The following CDH11 variants were observed in gnomAD, a reference collection of about 807,000 sequenced individuals.
CDH11 encodes cadherin-11.
Under a neutral mutation model 67.8 loss-of-function variants are expected in CDH11, and 11 were observed. The observed-to-expected ratio is 0.16, with a 90% CI of 0.10 to 0.27. The LOEUF is 0.27. CDH11 is among the 10% of genes least tolerant of loss of function. CDH11 has a pLI of 1.00. For synonymous variants in CDH11, 419 were observed against 400.0 expected, an observed-to-expected ratio of 1.05 and a Z score of -0.57; for missense variants, 847 against 1,031.2, an observed-to-expected ratio of 0.82 and a Z score of 2.45.
At chr16:65,073,573 C>A (rs970633145) in intron 1 of CDH11, among the ~76,000 whole-genome samples, 1 of 152,176 alleles carries the variant, frequency 6.6e-6, no homozygotes, top group Non-Finnish European at 1.5e-5. Context: ...CGTGAGCCAC[C>A]ACACTTGGCC....
intron 1 of CDH11, among the ~76,000 whole-genome samples, chr16:65,088,439 T>C (rs983764451): frequency 6.6e-6 from 1 of 152,200 alleles, no homozygotes; most frequent in Non-Finnish European, 1.5e-5. Context: ...TGCTTATTGT[T>C]TTTAAAATAT....
chr16:65,091,487 T>C (rs1597182550), intron 1 of CDH11, among the ~76,000 whole-genome samples: 1 of 152,146 alleles, frequency 6.6e-6, no homozygotes, highest in Admixed American at 6.5e-5. Flanking sequence ...GTCTTCTGAT[T>C]ACTGTTGTTA....
chr16:65,112,118 A>G (rs2075171211), intron 1 of CDH11, among the ~76,000 whole-genome samples: 1 of 151,940 alleles, frequency 6.6e-6, no homozygotes, highest in Non-Finnish European at 1.5e-5. Flanking sequence ...GAAGAATTAC[A>G]TCTATCCTGC....
chr16:65,039,088 C>G (rs1436769856), intron 2 of CDH11, among the ~76,000 whole-genome samples: 1 of 152,180 alleles, frequency 6.6e-6, no homozygotes, highest in African/African-American at 2.4e-5. Context: ...ACCTCTGTGG[C>G]TTCTTAGGCA....
chr16:65,090,603 C>G (rs924434206), intron 1 of CDH11, among the ~76,000 whole-genome samples: 1 of 152,154 alleles, frequency 6.6e-6, no homozygotes, highest in African/African-American at 2.4e-5. Flanking sequence ...AACAGTTCTT[C>G]CCTCCCGCCA....
At chr16:64,998,105 G>A (rs2072821285) in intron 4 of CDH11, among the ~76,000 whole-genome samples, 1 of 152,180 alleles carries the variant, frequency 6.6e-6, no homozygotes, top group Non-Finnish European at 1.5e-5. Flanking sequence ...TAGTGACATA[G>A]TGCTGTGGTT....
intron 1 of CDH11, among the ~76,000 whole-genome samples, chr16:65,111,229 C>T (rs2075150426): frequency 6.6e-6 from 1 of 152,170 alleles, no homozygotes; most frequent in Non-Finnish European, 1.5e-5. Context: ...AACTCCATGC[C>T]ATGAGCTGTT....
At chr16:65,034,833 G>A (rs1406390034) in intron 2 of CDH11, among the ~76,000 whole-genome samples, 1 of 152,080 alleles carries the variant, frequency 6.6e-6, no homozygotes, top group East Asian at 1.9e-4. Context: ...AGGGTCCTTG[G>A]GGTCCAGATA....
intron 2 of CDH11, among the ~76,000 whole-genome samples, chr16:65,019,896 CAA>C (rs796541490): frequency 3.5e-5 from 5 of 141,730 alleles, no homozygotes; most frequent in African/African-American, 7.7e-5. Context: ...TAAACTAGGC[CAA>C]AAAAAAAAAA....
intron 2 of CDH11, among the ~76,000 whole-genome samples, chr16:65,019,728 A>G (rs1044959380): frequency 8.5e-4 from 130 of 152,204 alleles, no homozygotes; most frequent in African/African-American, 3.1e-3. Context: ...TTTTATTTCA[A>G]TATTTAATTT....
Position 64,951,086 on chromosome 16 carries a change from C to A in CDH11, c.1643-68G>T, listed in dbSNP as rs1418345907. On this transcript the variant is annotated intron_variant, in intron 11 of 12. Coordinates refer to ENST00000268603, the MANE Select transcript of CDH11 (RefSeq NM_001797.4). ...ATTGGAATCACAGCGGCTCTCTGCT[C>A]GGCAGATTTGAGGGCACTCTCTTAT... is the stretch of plus-strand genomic sequence containing the variant. 5 of 1,517,602 alleles carry A rather than the reference C, an allele frequency of 3.3e-6. No individual in the cohort carries two copies. In the South Asian group the frequency reaches 3.6e-5, roughly 11 times the overall value. The allele number at this position is 1,517,602 out of a possible 1,614,324, so 94.0% of individuals were successfully genotyped here. A position where few individuals can be genotyped will look rare whatever the true frequency, so the allele number is the denominator to read the frequency against.
At chr16:64,998,464 A>G (rs1782012604) in intron 4 of CDH11, 98 bp downstream of exon 4, 5 of 1,127,656 alleles carry the variant, frequency 4.4e-6, no homozygotes, top group Non-Finnish European at 6.4e-6. Context: ...AAGATAAAGA[A>G]GAAGCTCTAC....
At chr16:64,950,669 G>C in intron 12 of CDH11, 98 bp downstream of exon 12, 1 of 1,249,116 alleles carries the variant, frequency 8.0e-7, no homozygotes, top group South Asian at 1.4e-5. Flanking sequence ...AGTCATAACA[G>C]GGTCCTGGTT....
chr16:65,049,033 T>C (rs944865085), intron 2 of CDH11, among the ~76,000 whole-genome samples: 1 of 152,030 alleles, frequency 6.6e-6, no homozygotes, highest in African/African-American at 2.4e-5. Flanking sequence ...ATGGCAATAA[T>C]AGACACTGGG....
chr16:65,033,983 T>C (rs1338196414), intron 2 of CDH11, among the ~76,000 whole-genome samples: 1 of 152,144 alleles, frequency 6.6e-6, no homozygotes, highest in Non-Finnish European at 1.5e-5. Flanking sequence ...CCTAGAAATG[T>C]GTTTATGGGC....
At chr16:64,986,380 T>C (rs1300995858) in intron 7 of CDH11, 2 of 152,024 alleles carry the variant, frequency 1.3e-5, no homozygotes, top group South Asian at 2.1e-4. Flanking sequence ...AGAGAGCTCA[T>C]TTGCGACGTG....
intron 1 of CDH11, among the ~76,000 whole-genome samples, chr16:65,109,147 G>GA (rs34933705): frequency 0.037 from 5,496 of 150,052 alleles, 143 homozygotes; most frequent in Middle Eastern, 0.079. Context: ...ACTCTGTTTC[G>GA]AAAAAAAAAG....
At chr16:64,960,455 G>A (rs2071643399) in intron 11 of CDH11, among the ~76,000 whole-genome samples, 1 of 152,102 alleles carries the variant, frequency 6.6e-6, no homozygotes, top group African/African-American at 2.4e-5. Flanking sequence ...AAGGAAATGT[G>A]TTATACGGTT....
intron 1 of CDH11, among the ~76,000 whole-genome samples, chr16:65,054,714 C>T (rs2074115409): frequency 6.6e-6 from 1 of 152,130 alleles, no homozygotes; most frequent in Non-Finnish European, 1.5e-5. Context: ...AAGAAAGGTG[C>T]CAGCTGGCAT....
Sources: allele counts gnomAD v4.1 joint callset (sites outside exome capture counted in the v4.1 genomes callset), GRCh38; gene constraint gnomAD v4.1.1; transcripts MANE v1.5; gene names NCBI Gene and HGNC (gene_info 2026-07-23, HGNC 2026-07-21).